The following CALN1 variants were observed in gnomAD, a reference collection of about 807,000 sequenced individuals.
CALN1 encodes the protein calneuron 1.
Under a neutral mutation model 30.6 loss-of-function variants are expected in CALN1, and 17 were observed. That is an observed-to-expected ratio of 0.56 (90% confidence interval 0.38 to 0.83). The LOEUF is 0.83. Among genes scored for constraint, CALN1 ranks in the 40% least tolerant of loss-of-function variants. The pLI is 0.00. For synonymous variants in CALN1, 156 were observed against 131.4 expected (o/e 1.19, Z -1.28); for missense variants, 291 against 354.9 (o/e 0.82, Z 1.45).
In CALN1 at chr7:71,813,930, CAA is replaced by C. The variant is rs540550294; in HGVS notation, c.502-3440_502-3439del. Among the ~76,000 whole-genome samples the C allele has an allele frequency of 7.7e-3, 524 of 68,438 alleles. 4 individuals carry two copies. The highest frequency in any genetic ancestry group is 0.021 in the African/African-American group (432 of 20,228). The allele number at this position is 68,438 out of a possible 152,430, so 44.9% of individuals were successfully genotyped here. The stretch of plus-strand genomic sequence containing the variant: ...TGGGTGACAGAGCGAGACTCTGTTG[CAA>C]AAAAAAAAAAAAAAAAAGATCTTTG... On this transcript the variant is annotated intron_variant, in intron 5 of 6. Coordinates refer to ENST00000395275, the MANE Select transcript of CALN1 (RefSeq NM_031468.4).
At chr7:71,791,785 G>A (rs958105323) in intron 6 of CALN1, among the ~76,000 whole-genome samples, 4 of 152,164 alleles carry the variant, frequency 2.6e-5, no homozygotes, top group Non-Finnish European at 4.4e-5. Context: ...CGAGGCGGGC[G>A]GATCACAAGG....
intron 5 of CALN1, among the ~76,000 whole-genome samples, chr7:71,882,733 G>A (rs1274857545): frequency 6.6e-6 from 1 of 152,140 alleles, no homozygotes; most frequent in East Asian, 1.9e-4. Context: ...GCCCAGGCTG[G>A]AGTACAATGG....
intron 2 of CALN1, among the ~76,000 whole-genome samples, chr7:72,394,345 A>C (rs1805776336): frequency 6.6e-6 from 1 of 152,186 alleles, no homozygotes; most frequent in Non-Finnish European, 1.5e-5. Context: ...ACATGTTTTG[A>C]CCCAGATGTT....
chr7:72,479,996 A>G, the CALN1 span, among the ~76,000 whole-genome samples: 1 of 152,228 alleles, frequency 6.6e-6, no homozygotes, highest in East Asian at 1.9e-4. Flanking sequence ...TTTTACGCCA[A>G]TAATACCTTA....
chr7:72,438,637 T>C (rs1009915499), intron 1 of CALN1, among the ~76,000 whole-genome samples: 4 of 152,116 alleles, frequency 2.6e-5, no homozygotes. Context: ...CCTCCCTCAA[T>C]CTGGCTTCTA....
At position 72,412,256 on chromosome 7, in the gene CALN1, G is replaced by T. The variant is rs73133140; in HGVS notation, c.-272C>A. The stretch of plus-strand genomic sequence containing the variant: ...GGCCGTGAGCTTTAAAGGTGGCGCG[G>T]ACCCAGAGTAAGCAGTAAGCTTTAT... On this transcript the variant is annotated 5_prime_UTR_variant, in exon 1 of 7. Transcript: ENST00000395275. The T allele has an allele frequency of 1.3e-5, 2 of 152,112 alleles. No individual in the cohort carries two copies. The highest frequency in any genetic ancestry group is 2.9e-5 in the Non-Finnish European group (2 of 68,044). 9.4% of individuals were successfully genotyped at this position (152,112 alleles called of 1,614,324 possible).
At chr7:72,221,835 G>A (rs556140888) in intron 3 of CALN1, among the ~76,000 whole-genome samples, 1 of 152,146 alleles carries the variant, frequency 6.6e-6, no homozygotes, top group East Asian at 2.0e-4. Flanking sequence ...GTTGCAGTGA[G>A]CTGAGATCGT....
In CALN1 at chr7:72,136,935, G is replaced by T. The variant is rs1809552196; in HGVS notation, c.245-30641C>A. On this transcript the variant is annotated intron_variant, in intron 3 of 6. Transcript: ENST00000395275. ...AAAAAATCACAATAGTAACATCAAAGATCACTGATCACGATGTAAGAATTA... is the reference window on the plus strand; with the variant it reads ...AAAAAATCACAATAGTAACATCAAATATCACTGATCACGATGTAAGAATTA... 2.6e-5 allele frequency among the ~76,000 whole-genome samples: 4 copies of T among 152,164 alleles called. No individual in the cohort carries two copies. The South Asian group carries it at 6.2e-4, about 24-fold the overall frequency.
chr7:72,323,946 A>C (rs1296077424), intron 2 of CALN1, among the ~76,000 whole-genome samples: 2 of 151,532 alleles, frequency 1.3e-5, no homozygotes, highest in African/African-American at 4.9e-5. Flanking sequence ...CGGGAGGCTG[A>C]GGCAGGAGGA....
At chr7:71,924,774 TC>T (rs1562905705) in intron 5 of CALN1, among the ~76,000 whole-genome samples, 1 of 152,216 alleles carries the variant, frequency 6.6e-6, no homozygotes, top group African/African-American at 2.4e-5. Flanking sequence ...CTGATTTTTT[TC>T]TCTCCAATCT....
chr7:71,966,263 T>C (rs1425612526), intron 5 of CALN1, among the ~76,000 whole-genome samples: 1 of 152,192 alleles, frequency 6.6e-6, no homozygotes, highest in Admixed American at 6.5e-5. Context: ...GCAAAATAAG[T>C]GGCAAGCTGG....
chr7:72,205,559 T>TATATATATATATATATATATAC (rs1791790362), intron 3 of CALN1, among the ~76,000 whole-genome samples: 1 of 77,572 alleles, frequency 1.3e-5, no homozygotes, highest in Non-Finnish European at 2.2e-5. Flanking sequence ...AAAATATATA[T>TATATATATATATATATATATAC]ATATATATGT....
chr7:72,258,898 A>G (rs34858520), intron 3 of CALN1, among the ~76,000 whole-genome samples: 46,843 of 136,282 alleles, frequency 0.34, 8,723 homozygotes, highest in Middle Eastern at 0.54. Context: ...ACTAAAAAGT[A>G]AAAAAAAAAA....
chr7:72,191,154 G>A (rs536510501), intron 3 of CALN1, among the ~76,000 whole-genome samples: 4 of 152,334 alleles, frequency 2.6e-5, no homozygotes, highest in African/African-American at 7.2e-5. Flanking sequence ...ATAGAATAAA[G>A]TCATGCGAGC....
chr7:72,314,406 CACATATATAT>C (rs1459550383), intron 2 of CALN1, among the ~76,000 whole-genome samples: 4 of 96,832 alleles, frequency 4.1e-5, no homozygotes, highest in African/African-American at 1.6e-4. Flanking sequence ...CACATATATA[CACATATATAT>C]ACACACATAC....
At chr7:71,819,194 A>T (rs575722054) in intron 5 of CALN1, among the ~76,000 whole-genome samples, 1 of 151,320 alleles carries the variant, frequency 6.6e-6, no homozygotes, top group East Asian at 1.9e-4. Flanking sequence ...AATAACTAAA[A>T]ATTTACTATT....
At chr7:72,337,169 G>C (rs941860319) in intron 2 of CALN1, 1 of 985,196 alleles carries the variant, frequency 1.0e-6, no homozygotes, top group African/African-American at 1.7e-5. Flanking sequence ...ACTCCATGCA[G>C]CTCCGGCCTC....
chr7:72,278,642 C>T (rs773209807), intron 3 of CALN1, 44 bp downstream of exon 3: 17 of 1,591,156 alleles, frequency 1.1e-5, no homozygotes, highest in East Asian at 2.3e-5. Flanking sequence ...AGAAACACCT[C>T]CCTGGGAGGG....
chr7:72,356,464 A>G (rs1803235674), intron 2 of CALN1, among the ~76,000 whole-genome samples: 3 of 151,950 alleles, frequency 2.0e-5, no homozygotes, highest in African/African-American at 7.3e-5. Context: ...AAAGTGATAA[A>G]TGTACTAATT....
Sources: gnomAD v4.1 joint callset for allele counts (sites outside exome capture counted in the v4.1 genomes callset) on GRCh38, gnomAD v4.1.1 for gene constraint, MANE v1.5 for transcripts, NCBI Gene and HGNC (gene_info 2026-07-23, HGNC 2026-07-21) for gene names.